The following ITIH2 variants were observed in gnomAD, a reference collection of about 807,000 sequenced individuals.
ITIH2 encodes inter-alpha-trypsin inhibitor heavy chain 2, also known as inter-alpha-trypsin inhibitor heavy chain H2.
A neutral mutation model predicts 104.4 loss-of-function variants in ITIH2; 103 were observed. That is an observed-to-expected ratio of 0.99 (90% CI 0.84 to 1.16). The LOEUF is 1.16. ITIH2 is among the 50% of genes most tolerant of loss of function. The pLI is 0.00. For missense variants in ITIH2, 1,108 were observed against 1,162.4 expected, an observed-to-expected ratio of 0.95 and a Z score of 0.68; for synonymous variants, 436 against 435.4, an observed-to-expected ratio of 1.00 and a Z score of -0.02.
chr10:7,729,000 G>A (rs993744913), intron 11 of ITIH2, among the ~76,000 whole-genome samples: 2 of 152,120 alleles, frequency 1.3e-5, no homozygotes, highest in Non-Finnish European at 2.9e-5. Flanking sequence ...ATCATAAGGT[G>A]GAAAAGGAAA....
At chr10:7,712,507 C>T (rs112943221) in intron 4 of ITIH2, among the ~76,000 whole-genome samples, 3,086 of 152,178 alleles carry the variant, frequency 0.02, 86 homozygotes, top group African/African-American at 0.055. Context: ...TGAGATAATT[C>T]GGAATTTATC....
intron 3 of ITIH2, among the ~76,000 whole-genome samples, 166 bp downstream of exon 3, chr10:7,707,399 A>G (rs763322889): frequency 1.2e-4 from 19 of 152,098 alleles, no homozygotes; most frequent in Non-Finnish European, 2.6e-4. Context: ...AGCATTGAAG[A>G]GTGCAGTCTT....
rs1835153493 is a variant in ITIH2, at chr10:7,744,184, T to TA, written c.2317dup (p.Ile773AsnfsTer6). ...GGATTTTATTTCCAAAGTGAAGACA[T>TA]AAAAATAGAAATCAGCACTGAGACC... On this transcript the variant is annotated frameshift_variant, in exon 18 of 21. Transcript: ENST00000358415. LOFTEE classifies it high-confidence loss of function. The TA allele has an allele frequency of 6.2e-7, 1 of 1,613,852 alleles. No homozygotes were observed. Among genetic ancestry groups the TA allele is most frequent in the African/African-American group, 1.3e-5 (1 of 74,874 alleles).
intron 17 of ITIH2, 38 bp downstream of exon 17, chr10:7,743,297 C>A: frequency 1.9e-6 from 2 of 1,041,796 alleles, no homozygotes; most frequent in South Asian, 2.9e-5. Context: ...CCAATTAGGT[C>A]ATTGTCATGC....
chr10:7,724,347 G>A (rs1017115948), intron 9 of ITIH2, among the ~76,000 whole-genome samples: 2 of 152,152 alleles, frequency 1.3e-5, no homozygotes, highest in East Asian at 3.9e-4. Flanking sequence ...AAGGCAGGTG[G>A]ATCACCTGAG....
At chr10:7,744,028 A>G in intron 17 of ITIH2, 54 bp from the exon 18 acceptor site, 1 of 1,363,442 alleles carries the variant, frequency 7.3e-7, no homozygotes, top group Admixed American at 1.9e-5. Context: ...TAGTACCCAC[A>G]CATGCAAAAT....
chr10:7,711,347 A>G (rs1834795768), intron 4 of ITIH2, among the ~76,000 whole-genome samples: 2 of 152,176 alleles, frequency 1.3e-5, no homozygotes, highest in Admixed American at 1.3e-4. Context: ...AGAAGATTTG[A>G]AGTACAAAGG....
intron 11 of ITIH2, 142 bp downstream of exon 11, chr10:7,727,970 C>A: frequency 1.0e-6 from 1 of 975,162 alleles, no homozygotes; most frequent in Non-Finnish European, 1.5e-6. Flanking sequence ...AGGAGGTCTT[C>A]TGATCCTGCA....
At chr10:7,707,798 C>T (rs1051688145) in intron 3 of ITIH2, among the ~76,000 whole-genome samples, 7 of 152,120 alleles carry the variant, frequency 4.6e-5, no homozygotes, top group African/African-American at 9.7e-5. Context: ...CTCCTGACCT[C>T]GGGTGATCCA....
chr10:7,720,101 G>A (rs1348426761), intron 6 of ITIH2, among the ~76,000 whole-genome samples: 1 of 54,532 alleles, frequency 1.8e-5, no homozygotes, highest in African/African-American at 8.1e-5. Context: ...CTTGGGAGAA[G>A]TGTGGGAGGG....
intron 6 of ITIH2, among the ~76,000 whole-genome samples, chr10:7,718,088 G>T (rs1047762289): frequency 6.6e-6 from 1 of 152,142 alleles, no homozygotes; most frequent in Non-Finnish European, 1.5e-5. Flanking sequence ...AAGTCAAGGT[G>T]TCTGCAGAGC....
chr10:7,707,136 G>GT (rs952188043), intron 2 of ITIH2, 65 bp from the exon 3 acceptor site: 1 of 1,173,170 alleles, frequency 8.5e-7, no homozygotes, highest in Non-Finnish European at 1.2e-6. Flanking sequence ...TGAGAAAACG[G>GT]TTTTGGCTCT....
chr10:7,714,394 G>C (rs1000714415), intron 5 of ITIH2, among the ~76,000 whole-genome samples: 1 of 151,806 alleles, frequency 6.6e-6, no homozygotes, highest in Non-Finnish European at 1.5e-5. Flanking sequence ...GGATGGTCTC[G>C]ATCTCCTGAC....
intron 20 of ITIH2, among the ~76,000 whole-genome samples, chr10:7,747,346 C>T (rs1325559683): frequency 1.3e-5 from 2 of 152,138 alleles, no homozygotes; most frequent in Non-Finnish European, 2.9e-5. Context: ...TCTTCACGCC[C>T]ACAAATGTCA....
intron 20 of ITIH2, among the ~76,000 whole-genome samples, chr10:7,747,768 T>C (rs1327716803): frequency 6.6e-6 from 1 of 152,076 alleles, no homozygotes; most frequent in Non-Finnish European, 1.5e-5. Flanking sequence ...GTGTAGTAGA[T>C]TCTGCCTATA....
At chr10:7,717,026 C>T (rs1053000448) in intron 5 of ITIH2, among the ~76,000 whole-genome samples, 1 of 151,542 alleles carries the variant, frequency 6.6e-6, no homozygotes, top group Non-Finnish European at 1.5e-5. Context: ...CGGCTCAACG[C>T]AACCTCTGCC....
In ITIH2 at chr10:7,735,029, A is replaced by C; in HGVS notation, c.1895A>C (p.Asn632Thr). 2 of 1,613,584 alleles carry C rather than the reference A, an allele frequency of 1.2e-6. No homozygotes were observed. Among genetic ancestry groups the C allele is most frequent in the South Asian group, 2.2e-5 (2 of 91,084 alleles). ...CCGCTGACCTCGCTGGTGATCGAGA[A>C]CGAGGCTGGGGATGAGCGCATGCTG... is the stretch of plus-strand genomic sequence containing the variant. ...VTPLTSLVIE[N>T]EAGDERMLAD... Residue 632 changes from asparagine to threonine, a missense_variant, in exon 15 of 21, where the codon AAC (asparagine) becomes ACC (threonine). Asn to Thr is a moderately conservative substitution (Grantham distance 65). Coordinates refer to ENST00000358415, the MANE Select transcript of ITIH2 (RefSeq NM_002216.3).
intron 15 of ITIH2, 102 bp downstream of exon 15, chr10:7,735,193 T>C (rs189997460): frequency 1.8e-6 from 2 of 1,108,956 alleles, no homozygotes; most frequent in Non-Finnish European, 2.5e-6. Context: ...AGCCCACCTC[T>C]TGCTCCCAGC....
intron 17 of ITIH2, 35 bp downstream of exon 17, chr10:7,743,294 G>T: frequency 1.8e-6 from 2 of 1,107,824 alleles, no homozygotes; most frequent in East Asian, 2.4e-5. Flanking sequence ...GCACCAATTA[G>T]GTCATTGTCA....
Sources: allele counts gnomAD v4.1 joint callset (sites outside exome capture counted in the v4.1 genomes callset), GRCh38; gene constraint gnomAD v4.1.1; transcripts MANE v1.5; gene names NCBI Gene and HGNC (gene_info 2026-07-23, HGNC 2026-07-21).